HEY1: variants seen among roughly 807,000 people sequenced by gnomAD.
HEY1 encodes the protein hes related family bHLH transcription factor with YRPW motif 1.
HEY1 carries 9 observed loss-of-function variants against 28.7 expected under a neutral mutation model. The ratio of observed to expected loss-of-function variants is 0.31; its 90% CI spans 0.19 to 0.55. HEY1 has a LOEUF of 0.55. Among genes scored for constraint, HEY1 ranks in the 20% least tolerant of loss-of-function variants. The pLI is 0.93. For synonymous variants in HEY1, 213 were observed against 175.6 expected, an observed-to-expected ratio of 1.21 and a Z score of -1.68; for missense variants, 385 against 399.4, an observed-to-expected ratio of 0.96 and a Z score of 0.31.
Position 79,766,738 on chromosome 8 carries a change from G to A in HEY1, c.250-6C>T, listed in dbSNP as rs1181947059. 3 of 1,613,824 alleles carry A rather than the reference G, an allele frequency of 1.9e-6. No individual in the cohort carries two copies. The highest frequency in any genetic ancestry group is 2.2e-5 in the South Asian group (2 of 91,076). ...TTTTCTAGCTTAGCAGATCCCTAAAGATGAGAATGGCAAAAGATTGATTTG... is the reference window on the plus strand; with the variant it reads ...TTTTCTAGCTTAGCAGATCCCTAAAAATGAGAATGGCAAAAGATTGATTTG... On this transcript the variant is annotated splice_polypyrimidine_tract_variant and splice_region_variant and intron_variant, in intron 3 of 4. Transcript: ENST00000354724.
chr8:79,766,499 A>G, intron 4 of HEY1, 152 bp downstream of exon 4: 1 of 1,509,946 alleles, frequency 6.6e-7, no homozygotes, highest in Middle Eastern at 2.5e-4. Flanking sequence ...TGTGCATTCG[A>G]AAATGTACTG....
intron 1 of HEY1, 47 bp from the exon 2 acceptor site, chr8:79,767,341 G>T: frequency 6.5e-7 from 1 of 1,528,846 alleles, no homozygotes; most frequent in South Asian, 1.1e-5. Flanking sequence ...GCCGTTAAAC[G>T]AGGAGAGGTG....
At position 79,765,568 on chromosome 8, in the gene HEY1, G is replaced by C; in HGVS notation, c.535C>G (p.Pro179Ala). The C allele has an allele frequency of 6.2e-7, 1 of 1,614,160 alleles. No individual in the cohort carries two copies. Among genetic ancestry groups the C allele is most frequent in the South Asian group, 1.1e-5 (1 of 91,082 alleles). Reference sequence around the variant, plus strand: ...TGATGTCCGAAGACGGTCCCCCAGGGAATGTGTCCGAGGCCCGCGTGGGCG... The same window carrying C: ...TGATGTCCGAAGACGGTCCCCCAGGCAATGTGTCCGAGGCCCGCGTGGGCG... ...SGAHAGLGHI[P>A]WGTVFGHHPH... Residue 179 changes from proline to alanine, a missense_variant, in exon 5 of 5, where the codon CCC becomes GCC. Coordinates refer to ENST00000354724, the MANE Select transcript of HEY1 (RefSeq NM_012258.4).
Position 79,766,737 on chromosome 8 carries a change from A to C in HEY1, c.250-5T>G. 2 of 1,614,036 alleles carry C rather than the reference A, an allele frequency of 1.2e-6. No homozygotes were observed. The highest frequency in any genetic ancestry group is 1.7e-6 in the Non-Finnish European group (2 of 1,179,846). ...TTTTTCTAGCTTAGCAGATCCCTAAAGATGAGAATGGCAAAAGATTGATTT... is the reference window on the plus strand; with the variant it reads ...TTTTTCTAGCTTAGCAGATCCCTAACGATGAGAATGGCAAAAGATTGATTT... On this transcript the variant is annotated splice_polypyrimidine_tract_variant and splice_region_variant and intron_variant, in intron 3 of 4. Coordinates refer to ENST00000354724, the MANE Select transcript of HEY1 (RefSeq NM_012258.4).
chr8:79,767,130 T>C, intron 2 of HEY1, 38 bp from the exon 3 acceptor site: 1 of 1,589,766 alleles, frequency 6.3e-7, no homozygotes, highest in Non-Finnish European at 8.6e-7. Flanking sequence ...GGCATTACCA[T>C]TACGACTGTA....
At chr8:79,766,088 A>T in intron 4 of HEY1, 1 of 813,524 alleles carries the variant, frequency 1.2e-6, no homozygotes, top group Non-Finnish European at 1.9e-6. Context: ...AAGGGCAGAG[A>T]AACCACAGAG....
chr8:79,766,475 TGGA>T, intron 4 of HEY1, 173 bp downstream of exon 4: 1 of 1,501,838 alleles, frequency 6.7e-7, no homozygotes, highest in East Asian at 2.3e-5. Flanking sequence ...GTGAATTCAC[TGGA>T]GAAGATTCTA....
At chr8:79,766,528 C>T in intron 4 of HEY1, 123 bp downstream of exon 4, 1 of 1,539,212 alleles carries the variant, frequency 6.5e-7, no homozygotes, top group African/African-American at 1.4e-5. Context: ...CTGCACACAC[C>T]ACACACCGTT....
Position 79,767,258 on chromosome 8 carries a change from A to T in HEY1, c.126T>A (p.Thr42=). 6.2e-7 allele frequency: 1 copy of T among 1,614,002 alleles called. No individual in the cohort carries two copies. The highest frequency in any genetic ancestry group is 2.2e-5 in the East Asian group (1 of 44,892). Reference sequence around the variant, plus strand: ...TTCTGGCCAAAATCTGGGAAGATGTAGTTGGGGACATGGAACCTAGAGCCG... The same window carrying T: ...TTCTGGCCAAAATCTGGGAAGATGTTGTTGGGGACATGGAACCTAGAGCCG... ...LSSALGSMSP[T]TSSQILARKR... is the part of the protein sequence containing the mutation. The change falls in exon 2 of 5, where the codon ACT becomes ACA. Residue 42 remains threonine, a synonymous_variant. Transcript: ENST00000354724.
Position 79,767,513 on chromosome 8 carries a change from C to A in HEY1, c.89+62G>T. 5 of 1,488,008 alleles carry A rather than the reference C, an allele frequency of 3.4e-6. No homozygotes were observed. The Admixed American group carries it at 7.3e-5, about 22-fold the overall frequency. The allele number at this position is 1,488,008 out of a possible 1,614,324, so 92.2% of individuals were successfully genotyped here. A position where few individuals can be genotyped will look rare whatever the true frequency, so the allele number is the denominator to read the frequency against. ...GCCAAGGGTCCTAGCCCGCTGTCAC[C>A]GCGGCAGGCCTGCGCTCGCCTCCCG... is the stretch of plus-strand genomic sequence containing the variant. On this transcript the variant is annotated intron_variant, in intron 1 of 4. Coordinates refer to ENST00000354724, the MANE Select transcript of HEY1 (RefSeq NM_012258.4).
At position 79,765,538 on chromosome 8, in the gene HEY1, G is replaced by A; in HGVS notation, c.565C>T (p.His189Tyr). 1.9e-6 allele frequency: 3 copies of A among 1,613,948 alleles called. No individual in the cohort carries two copies. Among genetic ancestry groups the A allele is most frequent in the Non-Finnish European group, 2.5e-6 (3 of 1,180,022 alleles). ...GGCAGCAACAGCGGGTGCGCGATGT[G>A]CGGGTGATGTCCGAAGACGGTCCCC... ...PWGTVFGHHP[H>Y]IAHPLLLPQN... Residue 189 changes from histidine to tyrosine, a missense_variant, in exon 5 of 5, where the codon CAC (histidine) becomes TAC (tyrosine). By Grantham distance (83) the His-to-Tyr change is moderately conservative (BLOSUM62 2). Around this residue, in one of 3 missense-constraint regions of HEY1, gnomAD observed 223 missense variants for 215.9 expected, o/e 1.03. Transcript: ENST00000354724.
Position 79,765,299 on chromosome 8 carries a change from G to C in HEY1, c.804C>G (p.Phe268Leu), listed in dbSNP as rs750455935. The C allele has an allele frequency of 6.4e-7, 1 of 1,558,406 alleles. No individual in the cohort carries two copies. Among genetic ancestry groups the C allele is most frequent in the South Asian group, 1.2e-5 (1 of 84,642 alleles). The change falls in exon 5 of 5, where the codon TTC (phenylalanine) becomes TTG (leucine). Residue 268 changes from phenylalanine (F) to leucine (L), a missense_variant. Phe to Leu is a conservative substitution (Grantham distance 22). This residue lies in a region of HEY1 where 223 missense variants were observed against 215.9 expected (regional missense o/e 1.03). Transcript: ENST00000354724. The part of the protein sequence containing the change: ...VASLSAFPFS[F>L]GSFHLLSPNA... ...TGGGAGACAGTAAGTGGAAGGAGCC[G>C]AAAGAGAAGGGGAAGGCCGACAGGG...
rs1807867462 is a variant in HEY1, at chr8:79,767,241, A to C, written c.143T>G (p.Leu48Trp). Residue 48 changes from leucine (L) to tryptophan (W), a missense_variant, in exon 2 of 5, where the codon TTG becomes TGG. This residue lies in a region of HEY1 where 79 missense variants were observed against 60.7 expected (regional missense o/e 1.30). Transcript: ENST00000354724. ...CACTCCTCTCCGTCTTTTTCTGGCC[A>C]AAATCTGGGAAGATGTAGTTGGGGA... ...SMSPTTSSQI[L>W]ARKRRRGIIE... is the part of the protein sequence containing the mutation. The C allele has an allele frequency of 6.2e-7, 1 of 1,613,820 alleles. No homozygotes were observed. Among genetic ancestry groups the C allele is most frequent in the Non-Finnish European group, 8.5e-7 (1 of 1,179,800 alleles).
Position 79,764,504 on chromosome 8 carries a change from G to A in HEY1, c.*684C>T. 1 of 227,540 alleles carries A rather than the reference G, an allele frequency of 4.4e-6. No individual in the cohort carries two copies. Among genetic ancestry groups the A allele is most frequent in the Non-Finnish European group, 8.7e-6 (1 of 114,456 alleles). The allele number at this position is 227,540 out of a possible 1,614,324, so 14.1% of individuals were successfully genotyped here. A position where few individuals can be genotyped will look rare whatever the true frequency, so the allele number is the denominator to read the frequency against. On this transcript the variant is annotated 3_prime_UTR_variant, in exon 5 of 5. Coordinates refer to ENST00000354724, the MANE Select transcript of HEY1 (RefSeq NM_012258.4). ...CAGCGGCTCTCTCCTAACTAAATCA[G>A]AACTGCCAGTCCTGGCAGATACCAG...
At chr8:79,766,581 A>G (rs765031735) in intron 4 of HEY1, 70 bp downstream of exon 4, 14 of 1,606,954 alleles carry the variant, frequency 8.7e-6, no homozygotes, top group Non-Finnish European at 1.1e-5. Flanking sequence ...TACTGCACCA[A>G]TCCTGGCCTT....
intron 4 of HEY1, 135 bp from the exon 5 acceptor site, chr8:79,765,906 T>C (rs1807822690): frequency 3.7e-6 from 3 of 808,014 alleles, no homozygotes; most frequent in African/African-American, 3.5e-5. Flanking sequence ...CGAAAGTCTT[T>C]GGAATCAACA....
At chr8:79,767,393 T>C in intron 1 of HEY1, 99 bp from the exon 2 acceptor site, 3 of 1,221,890 alleles carry the variant, frequency 2.5e-6, no homozygotes, top group Non-Finnish European at 2.3e-6. Context: ...ACTCAGACTT[T>C]TTTTGCCACT....
Position 79,767,275 on chromosome 8 carries a change from C to T in HEY1, c.109G>A (p.Gly37Ser), listed in dbSNP as rs2130491469. The stretch of plus-strand genomic sequence containing the variant: ...GAAGATGTAGTTGGGGACATGGAAC[C>T]TAGAGCCGAACTCAAGTTTCTGAAA... ...DENGNLSSAL[G>S]SMSPTTSSQI... The change falls in exon 2 of 5, where the codon GGT (glycine) becomes AGT (serine). Residue 37 changes from glycine (G) to serine (S), a missense_variant. By Grantham distance (56) the Gly-to-Ser change is moderately conservative (BLOSUM62 0). Coordinates refer to ENST00000354724, the MANE Select transcript of HEY1 (RefSeq NM_012258.4). The T allele has an allele frequency of 6.2e-7, 1 of 1,613,322 alleles. No homozygotes were observed. Among genetic ancestry groups the T allele is most frequent in the South Asian group, 1.1e-5 (1 of 90,824 alleles).
chr8:79,767,414 G>A lies in HEY1; in HGVS notation c.90-120C>T, dbSNP rs893892956. The A allele has an allele frequency of 2.2e-5, 25 of 1,123,766 alleles. 1 individual carries two copies. Among genetic ancestry groups the A allele is most frequent in the African/African-American group, 4.7e-5 (3 of 63,780 alleles). The allele number at this position is 1,123,766 out of a possible 1,614,324, so 69.6% of individuals were successfully genotyped here. A position where few individuals can be genotyped will look rare whatever the true frequency, so the allele number is the denominator to read the frequency against. ...ACTTTTTTTGCCACTTGGGCTGGAA[G>A]GCACCTAGGGGTTCCCTGGCCGCAG... On this transcript the variant is annotated intron_variant, in intron 1 of 4. Transcript: ENST00000354724.
Sources: allele counts gnomAD v4.1 joint callset, GRCh38; gene constraint gnomAD v4.1.1; regional missense constraint gnomAD v4.1.1; transcripts MANE v1.5; gene names NCBI Gene and HGNC (gene_info 2026-07-23, HGNC 2026-07-21).